The following CRACDL variants were observed in gnomAD, a reference collection of about 807,000 sequenced individuals.
The protein encoded by CRACDL is CRACD like, also known as CRACD-like protein.
In CRACDL, 26 loss-of-function variants were observed where a neutral mutation model predicts 70.6. The observed-to-expected ratio is 0.37, with a 90% CI of 0.27 to 0.51. The LOEUF is 0.51. Ranked by LOEUF, CRACDL falls within the 20% of genes least tolerant of loss-of-function variation. The pLI, the probability that CRACDL is intolerant of heterozygous loss-of-function variation, is 0.94. For synonymous variants in CRACDL, 618 were observed against 615.2 expected (o/e 1.00, Z -0.07); for missense variants, 1,283 against 1,376.9 (o/e 0.93, Z 1.08).
At chr2:98,804,093 G>A (rs1361384534) in intron 7 of CRACDL, among the ~76,000 whole-genome samples, 2 of 152,164 alleles carry the variant, frequency 1.3e-5, no homozygotes, top group African/African-American at 2.4e-5. Flanking sequence ...GTCTACAGTC[G>A]CTCGTCATCA....
intron 5 of CRACDL, among the ~76,000 whole-genome samples, chr2:98,831,743 C>T (rs372762263): frequency 1.9e-4 from 29 of 152,298 alleles, no homozygotes; most frequent in African/African-American, 6.5e-4. Context: ...TGCTCTTTTC[C>T]GAGTTCCTCG....
At chr2:98,798,154 G>A (rs1034827365) in intron 7 of CRACDL, among the ~76,000 whole-genome samples, 11 of 152,144 alleles carry the variant, frequency 7.2e-5, no homozygotes, top group African/African-American at 2.4e-4. Context: ...AGACCAACTT[G>A]GTCAACATGG....
chr2:98,849,814 G>T (rs1352129367), intron 1 of CRACDL, among the ~76,000 whole-genome samples: 4 of 152,170 alleles, frequency 2.6e-5, no homozygotes, highest in African/African-American at 9.7e-5. Flanking sequence ...ACAGATAAGA[G>T]CATAACATGG....
intron 2 of CRACDL, among the ~76,000 whole-genome samples, chr2:98,838,791 G>A (rs1012579020): frequency 6.6e-6 from 1 of 152,218 alleles, no homozygotes; most frequent in Non-Finnish European, 1.5e-5. Context: ...CCAACTGCAT[G>A]ATGAGCTAAT....
At chr2:98,813,645 T>C (rs1208325153) in intron 7 of CRACDL, among the ~76,000 whole-genome samples, 3 of 152,152 alleles carry the variant, frequency 2.0e-5, no homozygotes, top group Non-Finnish European at 2.9e-5. Context: ...TGAGAAAATA[T>C]AGTATCTCTG....
At position 98,796,102 on chromosome 2, in the gene CRACDL, T is replaced by C. The variant is rs530127973; in HGVS notation, c.2749+18A>G. On this transcript the variant is annotated intron_variant, in intron 9 of 9. Coordinates refer to ENST00000397899, the MANE Select transcript of CRACDL (RefSeq NM_207362.3). ...AAAATGATTTCAAAGTATGTGGTAA[T>C]GTTTGCAGATTTCATACCCAAGTTC... 2.2e-5 allele frequency: 35 copies of C among 1,609,784 alleles called. No individual in the cohort carries two copies. The highest frequency in any genetic ancestry group is 2.0e-4 in the African/African-American group (15 of 74,996).
At chr2:98,873,280 T>C (rs909155359) in intron 1 of CRACDL, among the ~76,000 whole-genome samples, 2 of 152,212 alleles carry the variant, frequency 1.3e-5, no homozygotes, top group African/African-American at 4.8e-5. Flanking sequence ...GGCTCCCTTG[T>C]TTGTCTCCAC....
In CRACDL at chr2:98,822,098, C is replaced by A. The variant is rs747054709; in HGVS notation, c.2175G>T (p.Glu725Asp). The change falls in exon 7 of 10, where the codon GAG (glutamate) becomes GAT (aspartate). Residue 725 changes from glutamate to aspartate, a missense_variant. Transcript: ENST00000397899. This position sits in a 1 kb window ranked among gnomAD's most constrained non-coding sequence, Gnocchi z 4.9. ...GGGCCGTCCCGAGGGGACACTTCTC[C>A]TCCTTCGGGAGCACGGTCAGCGACC... Reference protein sequence around the residue: ...LERSLTVLPKEEKCPLGTAPA... With the variant: ...LERSLTVLPKDEKCPLGTAPA... 110 of 1,566,688 alleles carry A rather than the reference C, an allele frequency of 7.0e-5. 1 individual carries two copies. The South Asian group carries it at 1.2e-3, about 17-fold the overall frequency.
At chr2:98,913,935 G>T (rs1487642100) in intron 1 of CRACDL, among the ~76,000 whole-genome samples, 1 of 152,232 alleles carries the variant, frequency 6.6e-6, no homozygotes, top group Non-Finnish European at 1.5e-5. Context: ...CAACTCCATG[G>T]TTTACGCTTT....
In CRACDL at chr2:98,807,827, G is replaced by C. The variant is rs566954767; in HGVS notation, c.2417-10290C>G. On this transcript the variant is annotated intron_variant, in intron 7 of 9. Coordinates refer to ENST00000397899, the MANE Select transcript of CRACDL (RefSeq NM_207362.3). ...CCTGACTTCAAGAAGCTGATAGAGG[G>C]GGGCAGGCATACAGGCAGAAAGGTG... Among the ~76,000 whole-genome samples, 869 of 152,320 alleles carry C rather than the reference G, an allele frequency of 5.7e-3. 7 individuals carry two copies. The highest frequency in any genetic ancestry group is 8.0e-3 in the Non-Finnish European group (541 of 68,028).
chr2:98,862,164 G>A lies in CRACDL; in HGVS notation c.-10-15354C>T, dbSNP rs574199427. 7.2e-5 allele frequency among the ~76,000 whole-genome samples: 11 copies of A among 152,262 alleles called. No homozygotes were observed. In the South Asian group the frequency reaches 2.3e-3, roughly 32 times the overall value. On this transcript the variant is annotated intron_variant, in intron 1 of 9. Transcript: ENST00000397899. ...TAAGGGGAGATTAGAAAGTCACCATGCATGCCTGCAAAAAGGCTCAGTCTC... is the reference window on the plus strand; with the variant it reads ...TAAGGGGAGATTAGAAAGTCACCATACATGCCTGCAAAAAGGCTCAGTCTC...
chr2:98,825,419 AAAG>A (rs1189186561), intron 6 of CRACDL, among the ~76,000 whole-genome samples: 1 of 151,928 alleles, frequency 6.6e-6, no homozygotes, highest in Non-Finnish European at 1.5e-5. Context: ...GTTCAAATGT[AAAG>A]AAAGAAGGAT....
chr2:98,935,213 T>C (rs555072056), intron 1 of CRACDL, among the ~76,000 whole-genome samples: 2 of 152,164 alleles, frequency 1.3e-5, no homozygotes, highest in South Asian at 4.1e-4. Context: ...CTGCCTGTCT[T>C]CCACTTGGAT....
At chr2:98,846,521 A>G (rs1706259209) in intron 2 of CRACDL, among the ~76,000 whole-genome samples, 2 of 152,248 alleles carry the variant, frequency 1.3e-5, no homozygotes, top group South Asian at 4.1e-4. Context: ...TGCTTGACAC[A>G]GAAGCAGAGG....
At chr2:98,892,484 A>G (rs1708004212) in intron 1 of CRACDL, among the ~76,000 whole-genome samples, 2 of 152,046 alleles carry the variant, frequency 1.3e-5, no homozygotes, top group Admixed American at 1.3e-4. Flanking sequence ...TGAGGTAAAG[A>G]GTTCGAGTCC....
intron 1 of CRACDL, among the ~76,000 whole-genome samples, chr2:98,898,012 A>G (rs973135931): frequency 3.3e-5 from 5 of 152,262 alleles, no homozygotes; most frequent in African/African-American, 9.6e-5. Context: ...AGGAGCCTCA[A>G]TGCAGCTGGG....
intron 1 of CRACDL, among the ~76,000 whole-genome samples, chr2:98,854,936 A>C (rs6757098): frequency 0.38 from 57,494 of 152,160 alleles, 11,387 homozygotes; most frequent in African/African-American, 0.49. Context: ...TGGATTACAT[A>C]ATAACATCAC....
chr2:98,844,624 C>T (rs1413200423), intron 2 of CRACDL, among the ~76,000 whole-genome samples: 1 of 152,224 alleles, frequency 6.6e-6, no homozygotes, highest in East Asian at 1.9e-4. Context: ...AGTAAAGCCA[C>T]ATTTGGAGAT....
At chr2:98,856,618 G>A (rs1354498503) in intron 1 of CRACDL, among the ~76,000 whole-genome samples, 2 of 152,048 alleles carry the variant, frequency 1.3e-5, no homozygotes. Flanking sequence ...AAAAGCAATG[G>A]CATAAAATGG....
Sources: gnomAD v4.1 joint callset for allele counts (sites outside exome capture counted in the v4.1 genomes callset) on GRCh38, gnomAD v4.1.1 for gene constraint, Gnocchi (gnomAD v3.1) non-coding constraint, MANE v1.5 for transcripts, NCBI Gene and HGNC (gene_info 2026-07-23, HGNC 2026-07-21) for gene names.